GRK3: variants seen among roughly 807,000 people sequenced by gnomAD.
The protein encoded by GRK3 is G protein-coupled receptor kinase 3.
A neutral mutation model predicts 95.7 loss-of-function variants in GRK3; 54 were observed. The ratio of observed to expected loss-of-function variants is 0.56; its 90% CI spans 0.45 to 0.71. The LOEUF is 0.71. GRK3 is among the 30% of genes least tolerant of loss of function. GRK3 has a pLI of 0.00. For synonymous variants in GRK3, 281 were observed against 290.8 expected (o/e 0.97, Z 0.34); for missense variants, 649 against 851.2 (o/e 0.76, Z 2.96).
intron 2 of GRK3, among the ~76,000 whole-genome samples, chr22:25,630,019 G>A (rs1031777723): frequency 6.6e-5 from 10 of 152,150 alleles, no homozygotes; most frequent in Non-Finnish European, 1.2e-4. Context: ...CTAGTATCAT[G>A]CCATAAATAC....
rs752599306 is a variant in GRK3, at chr22:25,711,133, A to G, written c.1461A>G (p.Ser487=). The change falls in exon 17 of 21, where the codon TCA becomes TCG. Residue 487 remains serine, a synonymous_variant. Transcript: ENST00000324198. ...VNAADAFDIG[S]FDEEDTKGIK... ...CTGCTGATGCCTTTGATATTGGCTC[A>G]TTTGATGAAGAGGATACCAAAGGGA... The G allele has an allele frequency of 1.9e-6, 3 of 1,613,378 alleles. No individual in the cohort carries two copies. Among genetic ancestry groups the G allele is most frequent in the African/African-American group, 1.3e-5 (1 of 75,030 alleles).
intron 1 of GRK3, among the ~76,000 whole-genome samples, chr22:25,583,465 C>T (rs921990279): frequency 6.6e-6 from 1 of 151,862 alleles, no homozygotes; most frequent in Non-Finnish European, 1.5e-5. Flanking sequence ...AAGGATCAGC[C>T]TTGCCCACGG....
At chr22:25,646,946 G>A (rs746174943) in intron 3 of GRK3, among the ~76,000 whole-genome samples, 9 of 150,898 alleles carry the variant, frequency 6.0e-5, no homozygotes, top group African/African-American at 1.7e-4. Flanking sequence ...ACTTGAACCC[G>A]GGAGGCAGAA....
rs2085497851 is a variant in GRK3 at position 25,729,265 on chromosome 22, A to G, written c.*6815A>G. On this transcript the variant is annotated 3_prime_UTR_variant, in exon 21 of 21. Transcript: ENST00000324198. Reference sequence around the variant, plus strand: ...TTCTGTGTTGGTAAATTGCCTATATAAATCTGAATAAAAAGGATCTGTACA... The same window carrying G: ...TTCTGTGTTGGTAAATTGCCTATATGAATCTGAATAAAAAGGATCTGTACA... 1 of 152,214 alleles carries G rather than the reference A, an allele frequency of 6.6e-6. No homozygotes were observed. The highest frequency in any genetic ancestry group is 6.5e-5 in the Admixed American group (1 of 15,274). 9.4% of individuals were successfully genotyped at this position (152,214 alleles called of 1,614,324 possible).
At chr22:25,643,176 C>T (rs563536945) in intron 2 of GRK3, among the ~76,000 whole-genome samples, 18 of 152,178 alleles carry the variant, frequency 1.2e-4, no homozygotes, top group Non-Finnish European at 2.5e-4. Flanking sequence ...AGATGTGTAT[C>T]CTTCCCATTT....
At chr22:25,659,502 G>A (rs1037604234) in intron 3 of GRK3, among the ~76,000 whole-genome samples, 3 of 152,208 alleles carry the variant, frequency 2.0e-5, no homozygotes, top group Admixed American at 2.0e-4. Context: ...CTACAGGTCT[G>A]TGAATATTTA....
chr22:25,673,528 G>T (rs1347691971), intron 7 of GRK3, among the ~76,000 whole-genome samples: 2 of 151,760 alleles, frequency 1.3e-5, no homozygotes, highest in Non-Finnish European at 2.9e-5. Flanking sequence ...ATCTGCTCTG[G>T]GTCTTTCATA....
At chr22:25,652,264 C>A (rs1012418025) in intron 3 of GRK3, among the ~76,000 whole-genome samples, 7 of 152,118 alleles carry the variant, frequency 4.6e-5, no homozygotes, top group Admixed American at 4.6e-4. Flanking sequence ...GAAACTCTGT[C>A]TCTACTAAAA....
intron 3 of GRK3, among the ~76,000 whole-genome samples, chr22:25,645,302 G>A (rs1412388716): frequency 6.6e-6 from 1 of 152,220 alleles, no homozygotes; most frequent in Non-Finnish European, 1.5e-5. Context: ...AGAAGATGTG[G>A]TCTGGTGACA....
At chr22:25,681,185 G>A (rs2085071115) in intron 9 of GRK3, among the ~76,000 whole-genome samples, 1 of 152,162 alleles carries the variant, frequency 6.6e-6, no homozygotes, top group Non-Finnish European at 1.5e-5. Context: ...CACAGTTGAG[G>A]ATTTAGGTTG....
At position 25,711,576 on chromosome 22, in the gene GRK3, A is replaced by G. The variant is rs577315274; in HGVS notation, c.1491+413A>G. ...AGCATGAATCATTTTGCATTTGTCA[A>G]TCAAAGGTGAAATAATCACTGTTTT... On this transcript the variant is annotated intron_variant, in intron 17 of 20. Coordinates refer to ENST00000324198, the MANE Select transcript of GRK3 (RefSeq NM_005160.4). Among the ~76,000 whole-genome samples, 6 of 152,286 alleles carry G rather than the reference A, an allele frequency of 3.9e-5. No individual in the cohort carries two copies. In the East Asian group the frequency reaches 1.2e-3, roughly 29 times the overall value.
At chr22:25,569,642 C>G (rs962451280) in intron 1 of GRK3, among the ~76,000 whole-genome samples, 2 of 152,202 alleles carry the variant, frequency 1.3e-5, no homozygotes, top group African/African-American at 4.8e-5. Context: ...CTTTTTCAGT[C>G]AGTGGCTGGC....
intron 12 of GRK3, among the ~76,000 whole-genome samples, chr22:25,692,613 C>T (rs2146440835): frequency 6.6e-6 from 1 of 152,336 alleles, no homozygotes; most frequent in Admixed American, 6.5e-5. Flanking sequence ...TTCACTGTGT[C>T]ACTCACTGAA....
At chr22:25,598,930 G>A (rs1244323617) in intron 1 of GRK3, among the ~76,000 whole-genome samples, 1 of 152,056 alleles carries the variant, frequency 6.6e-6, no homozygotes, top group Non-Finnish European at 1.5e-5. Flanking sequence ...TTGAAAAAAT[G>A]CCAAGACAAT....
intron 1 of GRK3, among the ~76,000 whole-genome samples, chr22:25,596,291 T>C (rs1281877491): frequency 6.6e-6 from 1 of 152,206 alleles, no homozygotes; most frequent in Admixed American, 6.5e-5. Flanking sequence ...ATGAGGGCTT[T>C]TAATTTACTA....
At chr22:25,635,879 C>T (rs147995191) in intron 2 of GRK3, among the ~76,000 whole-genome samples, 181 of 152,306 alleles carry the variant, frequency 1.2e-3, no homozygotes, top group Non-Finnish European at 2.1e-3. Context: ...ATCATTCATT[C>T]CATAGTTTTT....
At chr22:25,641,798 A>G (rs2084745107) in intron 2 of GRK3, among the ~76,000 whole-genome samples, 2 of 152,174 alleles carry the variant, frequency 1.3e-5, no homozygotes, top group African/African-American at 4.8e-5. Context: ...AGCTTGGCCT[A>G]AGTGAAGTGA....
chr22:25,655,813 C>G (rs2084866897), intron 3 of GRK3, among the ~76,000 whole-genome samples: 1 of 152,184 alleles, frequency 6.6e-6, no homozygotes, highest in Non-Finnish European at 1.5e-5. Flanking sequence ...CTTCAGTTAC[C>G]TCATCTATAA....
chr22:25,617,604 C>G (rs941636380), intron 2 of GRK3, among the ~76,000 whole-genome samples: 1 of 152,196 alleles, frequency 6.6e-6, no homozygotes, highest in Non-Finnish European at 1.5e-5. Context: ...GGGTTCAACC[C>G]ACCCCAGCCC....
Sources: gnomAD v4.1 joint callset for allele counts (sites outside exome capture counted in the v4.1 genomes callset) on GRCh38, gnomAD v4.1.1 for gene constraint, MANE v1.5 for transcripts, NCBI Gene and HGNC (gene_info 2026-07-23, HGNC 2026-07-21) for gene names.